LHFPL3: variants seen among roughly 807,000 people sequenced by gnomAD.
LHFPL3 encodes LHFPL tetraspan subfamily member 3 protein.
A neutral mutation model predicts 19.3 loss-of-function variants in LHFPL3; 5 were observed. The ratio of observed to expected loss-of-function variants is 0.26; its 90% CI spans 0.14 to 0.54. The LOEUF (loss-of-function observed/expected upper bound fraction) is 0.54, where lower values mean the gene tolerates loss of function less well. Among genes scored for constraint, LHFPL3 ranks in the 20% least tolerant of loss-of-function variants. The probability of loss-of-function intolerance (pLI) is 0.94; values close to 1 mark genes in which losing one functional copy is unlikely to be tolerated. For missense variants in LHFPL3, 249 were observed against 307.4 expected, an observed-to-expected ratio of 0.81 and a Z score of 1.42; for synonymous variants, 133 against 126.2, an observed-to-expected ratio of 1.05 and a Z score of -0.36.
chr7:104,360,536 C>T (rs1285503039), intron 1 of LHFPL3, among the ~76,000 whole-genome samples: 2 of 151,896 alleles, frequency 1.3e-5, no homozygotes, highest in Admixed American at 6.6e-5. Flanking sequence ...GAAGAGGAGC[C>T]CCAATTCTAT....
intron 2 of LHFPL3, among the ~76,000 whole-genome samples, chr7:104,875,290 T>C (rs1791916190): frequency 1.3e-5 from 2 of 152,178 alleles, no homozygotes; most frequent in African/African-American, 2.4e-5. Flanking sequence ...TGCTCTTCCA[T>C]GTTCCTTTCT....
chr7:104,467,798 C>G (rs971249664), intron 1 of LHFPL3, among the ~76,000 whole-genome samples: 13 of 152,024 alleles, frequency 8.6e-5, no homozygotes, highest in African/African-American at 2.4e-4. Flanking sequence ...ACTTGGATAC[C>G]AAGTCATTTG....
At chr7:104,497,540 T>G (rs1793508432) in intron 1 of LHFPL3, among the ~76,000 whole-genome samples, 1 of 151,788 alleles carries the variant, frequency 6.6e-6, no homozygotes, top group African/African-American at 2.4e-5. Flanking sequence ...GTAAACAGCC[T>G]CTGATATGCA....
chr7:104,408,690 ACTCCACAT>A (rs1408854672), intron 1 of LHFPL3, among the ~76,000 whole-genome samples: 1 of 151,922 alleles, frequency 6.6e-6, no homozygotes. Context: ...AAAAGGTTAC[ACTCCACAT>A]GCCAATGCTG....
intron 2 of LHFPL3, among the ~76,000 whole-genome samples, chr7:104,779,555 C>A (rs1206701458): frequency 6.6e-6 from 1 of 152,086 alleles, no homozygotes; most frequent in African/African-American, 2.4e-5. Flanking sequence ...TCCCCTCTCC[C>A]TGCACCAGGC....
At chr7:104,638,315 G>A (rs1791765867) in intron 1 of LHFPL3, among the ~76,000 whole-genome samples, 1 of 152,068 alleles carries the variant, frequency 6.6e-6, no homozygotes, top group Non-Finnish European at 1.5e-5. Context: ...TCTAGATATG[G>A]AATCATGCCT....
rs1308625850 is a variant in LHFPL3, at chr7:104,429,289, C to T, written c.445+100065C>T. 2.7e-5 allele frequency among the ~76,000 whole-genome samples: 4 copies of T among 147,838 alleles called. No individual in the cohort carries two copies. In the Admixed American group the frequency reaches 2.7e-4, roughly 10 times the overall value. On this transcript the variant is annotated intron_variant, in intron 1 of 2. Transcript: ENST00000424859. ...CCAAGGATGCATATTTCGGAATCTA[C>T]CTATGTCATTCCTTTTTTTTTTTTT...
intron 1 of LHFPL3, among the ~76,000 whole-genome samples, chr7:104,682,268 G>T (rs1475517205): frequency 6.6e-6 from 1 of 152,104 alleles, no homozygotes; most frequent in Non-Finnish European, 1.5e-5. Flanking sequence ...GTGAGCCTTT[G>T]GACAAAAGAC....
chr7:104,608,422 C>T (rs1194232128), intron 1 of LHFPL3, among the ~76,000 whole-genome samples: 1 of 146,198 alleles, frequency 6.8e-6, no homozygotes. Flanking sequence ...CGCATGTTCT[C>T]ACTCATAGGT....
intron 1 of LHFPL3, among the ~76,000 whole-genome samples, chr7:104,734,706 C>T (rs543870412): frequency 1.3e-5 from 2 of 152,356 alleles, no homozygotes; most frequent in Admixed American, 6.5e-5. Context: ...CTGAAGCCTT[C>T]TTCTCTCAAC....
chr7:104,669,804 G>A (rs1792435725), intron 1 of LHFPL3, among the ~76,000 whole-genome samples: 1 of 152,184 alleles, frequency 6.6e-6, no homozygotes, highest in African/African-American at 2.4e-5. Context: ...AGGGACTACA[G>A]CTTTTTAGAG....
At chr7:104,439,320 A>G (rs1172127848) in intron 1 of LHFPL3, among the ~76,000 whole-genome samples, 2 of 152,206 alleles carry the variant, frequency 1.3e-5, no homozygotes, top group Non-Finnish European at 2.9e-5. Flanking sequence ...TAACCCTGAT[A>G]GCAAAACCAG....
intron 1 of LHFPL3, among the ~76,000 whole-genome samples, chr7:104,434,061 G>A (rs1244578202): frequency 1.3e-5 from 2 of 152,110 alleles, no homozygotes; most frequent in Non-Finnish European, 2.9e-5. Flanking sequence ...TCCATACCAT[G>A]TATTAATCCA....
At chr7:104,772,831 T>TTCAA (rs1370277475) in intron 2 of LHFPL3, among the ~76,000 whole-genome samples, 1 of 152,228 alleles carries the variant, frequency 6.6e-6, no homozygotes, top group African/African-American at 2.4e-5. Flanking sequence ...GCTTCAATCC[T>TTCAA]TCAATCAGAT....
chr7:104,776,829 T>C (rs12669727), intron 2 of LHFPL3, among the ~76,000 whole-genome samples: 77,066 of 152,180 alleles, frequency 0.51, 19,954 homozygotes, highest in East Asian at 0.82. Context: ...TAACAAACTC[T>C]ACATTGTAAA....
At chr7:104,568,040 T>G (rs1386118807) in intron 1 of LHFPL3, among the ~76,000 whole-genome samples, 4 of 152,206 alleles carry the variant, frequency 2.6e-5, no homozygotes, top group African/African-American at 9.7e-5. Context: ...CTCAAGAGGA[T>G]GAGTCTAATT....
chr7:104,597,085 T>G (rs1365284267), intron 1 of LHFPL3, among the ~76,000 whole-genome samples: 1 of 152,132 alleles, frequency 6.6e-6, no homozygotes, highest in Non-Finnish European at 1.5e-5. Context: ...ACCTGTTTCC[T>G]GTTTCTGTCA....
At chr7:104,382,573 A>G (rs1790849369) in intron 1 of LHFPL3, among the ~76,000 whole-genome samples, 1 of 152,146 alleles carries the variant, frequency 6.6e-6, no homozygotes, top group South Asian at 2.1e-4. Flanking sequence ...GCTGGATTTA[A>G]TTGTTCTAGA....
chr7:104,471,754 G>A (rs1020826655), intron 1 of LHFPL3, among the ~76,000 whole-genome samples: 3 of 152,120 alleles, frequency 2.0e-5, no homozygotes, highest in Non-Finnish European at 4.4e-5. Context: ...GTAATTTCAC[G>A]TTTATTATTT....
Sources: gnomAD v4.1 joint callset for allele counts (sites outside exome capture counted in the v4.1 genomes callset) on GRCh38, gnomAD v4.1.1 for gene constraint, MANE v1.5 for transcripts, NCBI Gene and HGNC (gene_info 2026-07-23, HGNC 2026-07-21) for gene names.